GPHN: variants seen among roughly 807,000 people sequenced by gnomAD.
GPHN encodes gephyrin.
Under a neutral mutation model 95.5 loss-of-function variants are expected in GPHN, and 17 were observed. The ratio of observed to expected loss-of-function variants is 0.18; its 90% CI spans 0.12 to 0.27. The LOEUF is 0.27. Among genes scored for constraint, GPHN ranks in the 10% least tolerant of loss-of-function variants. The probability of loss-of-function intolerance (pLI) is 1.00; values close to 1 mark genes in which losing one functional copy is unlikely to be tolerated. For synonymous variants in GPHN, 320 were observed against 322.5 expected, an observed-to-expected ratio of 0.99 and a Z score of 0.08; for missense variants, 660 against 978.1, an observed-to-expected ratio of 0.67 and a Z score of 4.34.
chr14:66,691,729 T>C (rs1237125255), intron 2 of GPHN, among the ~76,000 whole-genome samples: 1 of 152,132 alleles, frequency 6.6e-6, no homozygotes, highest in Non-Finnish European at 1.5e-5. Context: ...GACAATCAGA[T>C]ATAGAGGATA....
the GPHN span, among the ~76,000 whole-genome samples, chr14:67,509,366 T>C: frequency 6.6e-6 from 1 of 152,074 alleles, no homozygotes; most frequent in Non-Finnish European, 1.5e-5. Context: ...TTGTCCAAGC[T>C]GGAGTGCAAT....
At chr14:67,361,748 A>G in the GPHN span, among the ~76,000 whole-genome samples, 1 of 152,254 alleles carries the variant, frequency 6.6e-6, no homozygotes, top group Non-Finnish European at 1.5e-5. Flanking sequence ...ATCAGAACAC[A>G]TAAGAGTATT....
Position 66,961,434 on chromosome 14 carries a change from G to A in GPHN, c.829-3757G>A, listed in dbSNP as rs561022142. 4.0e-5 allele frequency among the ~76,000 whole-genome samples: 6 copies of A among 151,790 alleles called. No homozygotes were observed. The South Asian group carries it at 6.2e-4, about 16-fold the overall frequency. ...ATATTTAGCAACATTAAAATTAAAAGATTTCGTTCATCAATAGACATGATA... is the reference window on the plus strand; with the variant it reads ...ATATTTAGCAACATTAAAATTAAAAAATTTCGTTCATCAATAGACATGATA... On this transcript the variant is annotated intron_variant, in intron 8 of 22. Transcript: ENST00000478722.
chr14:66,588,968 A>C (rs572702696), intron 1 of GPHN, among the ~76,000 whole-genome samples: 1 of 152,282 alleles, frequency 6.6e-6, no homozygotes, highest in East Asian at 1.9e-4. Context: ...AGAAAATGTT[A>C]AGGGCAGCCA....
chr14:66,676,908 C>A (rs958595403), intron 1 of GPHN, among the ~76,000 whole-genome samples: 3 of 151,816 alleles, frequency 2.0e-5, no homozygotes, highest in African/African-American at 7.3e-5. Flanking sequence ...TCTTTTAAAG[C>A]TTTTTGGTCC....
At chr14:67,359,650 T>C in the GPHN span, 1 of 1,614,020 alleles carries the variant, frequency 6.2e-7, no homozygotes, top group South Asian at 1.1e-5. Flanking sequence ...TCCCATTCCT[T>C]TACTTACATT....
At chr14:66,936,245 G>A (rs1051302968) in intron 8 of GPHN, among the ~76,000 whole-genome samples, 1 of 152,094 alleles carries the variant, frequency 6.6e-6, no homozygotes, top group African/African-American at 2.4e-5. Flanking sequence ...CAGGCGTGGT[G>A]GCGGGCACCT....
the GPHN span, among the ~76,000 whole-genome samples, chr14:67,483,528 G>C: frequency 6.6e-5 from 10 of 152,216 alleles, no homozygotes; most frequent in Non-Finnish European, 1.2e-4. Context: ...TGAACTTCTA[G>C]GTGGTTCATT....
At chr14:67,278,970 T>C in the GPHN span, 13 of 473,980 alleles carry the variant, frequency 2.7e-5, no homozygotes, top group Non-Finnish European at 4.7e-5. Flanking sequence ...AAAACCTGCT[T>C]TTATATTGTA....
chr14:66,510,386 A>G (rs2139670699), intron 1 of GPHN, among the ~76,000 whole-genome samples: 1 of 152,356 alleles, frequency 6.6e-6, no homozygotes, highest in Admixed American at 6.5e-5. Context: ...TAAGCTTTCC[A>G]TTAAATAATA....
At chr14:67,360,878 AT>A in the GPHN span, 3 of 151,976 alleles carry the variant, frequency 2.0e-5, no homozygotes, top group Non-Finnish European at 4.4e-5. Context: ...TCTACCAAAA[AT>A]TTCCCCTGCG....
chr14:67,714,865 C>A, the GPHN span: 1 of 152,184 alleles, frequency 6.6e-6, no homozygotes, highest in South Asian at 2.1e-4. Context: ...CAGAGGCAAA[C>A]CTGTGCAAAG....
chr14:67,326,221 ATTTTTTTTTTTTTTTTTTTTTTTT>A, the GPHN span, among the ~76,000 whole-genome samples: 17 of 12,916 alleles, frequency 1.3e-3, no homozygotes, highest in South Asian at 0.035. Flanking sequence ...TTTAGGTCTG[ATTTTTTTTTTTTTTTTTTTTTTTT>A]TTTTTTTTTT....
the GPHN span, among the ~76,000 whole-genome samples, chr14:67,225,926 A>AGTAT: frequency 7.3e-6 from 1 of 136,630 alleles, no homozygotes; most frequent in South Asian, 2.4e-4. Context: ...TAATGCTGTG[A>AGTAT]GTGTGTGTGT....
chr14:67,609,003 C>T, the GPHN span, among the ~76,000 whole-genome samples: 13,152 of 152,262 alleles, frequency 0.086, 630 homozygotes, highest in Middle Eastern at 0.18. Context: ...TCCTACAGAA[C>T]TTGTCAACAA....
intron 17 of GPHN, chr14:67,143,119 T>TTGAATAA: frequency 2.3e-6 from 1 of 440,972 alleles, no homozygotes. Context: ...AGTGGCTTGT[T>TTGAATAA]AGAATAAAAA....
intron 2 of GPHN, among the ~76,000 whole-genome samples, chr14:66,775,054 T>A (rs1299810442): frequency 6.6e-6 from 1 of 152,150 alleles, no homozygotes; most frequent in Non-Finnish European, 1.5e-5. Context: ...GTTCAGGGTG[T>A]ACATTTGCAG....
chr14:67,696,570 T>A, the GPHN span, among the ~76,000 whole-genome samples: 1 of 152,218 alleles, frequency 6.6e-6, no homozygotes, highest in Non-Finnish European at 1.5e-5. Context: ...AATATCGTCT[T>A]CCTGATGGCT....
the GPHN span, among the ~76,000 whole-genome samples, chr14:67,377,489 A>G: frequency 3.3e-5 from 5 of 152,192 alleles, no homozygotes; most frequent in African/African-American, 1.2e-4. Context: ...TTTATTTTAT[A>G]AAGAAAATAG....
Sources: allele counts gnomAD v4.1 joint callset (sites outside exome capture counted in the v4.1 genomes callset), GRCh38; gene constraint gnomAD v4.1.1; transcripts MANE v1.5; gene names NCBI Gene and HGNC (gene_info 2026-07-23, HGNC 2026-07-21).